The following GPHN variants were observed in gnomAD, a reference collection of about 807,000 sequenced individuals.
The protein encoded by GPHN is gephyrin.
A neutral mutation model predicts 95.5 loss-of-function variants in GPHN; 17 were observed. The observed-to-expected ratio is 0.18, with a 90% CI of 0.12 to 0.27. The LOEUF (loss-of-function observed/expected upper bound fraction) is 0.27. GPHN is among the 10% of genes least tolerant of loss of function. The pLI, the probability that GPHN is intolerant of heterozygous loss-of-function variation, is 1.00. For synonymous variants in GPHN, 320 were observed against 322.5 expected (o/e 0.99, Z 0.08); for missense variants, 660 against 978.1 (o/e 0.67, Z 4.34).
chr14:67,212,224 A>C, the GPHN span, among the ~76,000 whole-genome samples: 4 of 152,154 alleles, frequency 2.6e-5, no homozygotes, highest in Non-Finnish European at 1.5e-5. Flanking sequence ...TGCTCAGTAA[A>C]TGATCATTAT....
the GPHN span, among the ~76,000 whole-genome samples, chr14:67,486,525 G>A: frequency 2.0e-5 from 3 of 152,046 alleles, no homozygotes; most frequent in African/African-American, 7.2e-5. Context: ...CACCCACCTC[G>A]GCCTCCCAAA....
chr14:67,702,566 G>A, the GPHN span, among the ~76,000 whole-genome samples: 1 of 152,126 alleles, frequency 6.6e-6, no homozygotes, highest in African/African-American at 2.4e-5. Context: ...AGGCAAATAT[G>A]TATGTTGACA....
chr14:67,473,311 G>A, the GPHN span: 4 of 1,470,034 alleles, frequency 2.7e-6, no homozygotes, highest in Non-Finnish European at 3.7e-6. This position sits in a 1 kb window ranked among gnomAD's most constrained non-coding sequence, Gnocchi z 6.5. Flanking sequence ...TAGGGCTGAG[G>A]CTTGGCCGGA....
At chr14:66,529,614 G>A (rs2058831935) in intron 1 of GPHN, among the ~76,000 whole-genome samples, 1 of 152,100 alleles carries the variant, frequency 6.6e-6, no homozygotes, top group South Asian at 2.1e-4. Flanking sequence ...ATCTACCTTT[G>A]TTCTTTGATT....
chr14:67,123,569 G>A (rs1226857872), intron 17 of GPHN, among the ~76,000 whole-genome samples: 4 of 152,282 alleles, frequency 2.6e-5, no homozygotes, highest in Admixed American at 6.5e-5. Context: ...CCAGCTACTC[G>A]GGAGGCTGAG....
intron 9 of GPHN, among the ~76,000 whole-genome samples, chr14:67,010,246 TAATA>T (rs2072896099): frequency 6.6e-6 from 1 of 151,300 alleles, no homozygotes; most frequent in Non-Finnish European, 1.5e-5. Context: ...GTTCTACAGA[TAATA>T]TAGAGTAAAT....
chr14:67,305,610 G>A, the GPHN span, among the ~76,000 whole-genome samples: 1 of 152,052 alleles, frequency 6.6e-6, no homozygotes, highest in Non-Finnish European at 1.5e-5. Flanking sequence ...TTTTTTTCCT[G>A]CTATTCATGC....
At chr14:66,941,201 T>A (rs1049167929) in intron 8 of GPHN, among the ~76,000 whole-genome samples, 1 of 152,130 alleles carries the variant, frequency 6.6e-6, no homozygotes, top group Non-Finnish European at 1.5e-5. Context: ...TAGAATGTAA[T>A]GACAAATGTA....
chr14:66,892,005 G>A (rs1021318506), intron 5 of GPHN, among the ~76,000 whole-genome samples: 1 of 152,184 alleles, frequency 6.6e-6, no homozygotes, highest in Admixed American at 6.5e-5. Context: ...TAGAAACATT[G>A]TGTATTGCTG....
At chr14:67,615,464 C>T in the GPHN span, 1 of 304,578 alleles carries the variant, frequency 3.3e-6, no homozygotes, top group Non-Finnish European at 6.6e-6. Flanking sequence ...CTGTGCCTCG[C>T]TGAGGAAAAA....
chr14:66,536,754 C>T (rs1255901800), intron 1 of GPHN, among the ~76,000 whole-genome samples: 1 of 152,126 alleles, frequency 6.6e-6, no homozygotes, highest in Non-Finnish European at 1.5e-5. Flanking sequence ...TGTTAATGTT[C>T]TTTGTCAGTA....
At chr14:66,659,640 C>T (rs942449745) in intron 1 of GPHN, among the ~76,000 whole-genome samples, 7 of 151,904 alleles carry the variant, frequency 4.6e-5, no homozygotes, top group South Asian at 4.2e-4. Flanking sequence ...TTTGTCTTCC[C>T]GATGGATTAA....
At chr14:67,395,490 C>A in the GPHN span, 2 of 1,614,034 alleles carry the variant, frequency 1.2e-6, no homozygotes, top group African/African-American at 1.3e-5. Context: ...TGAATAGCCC[C>A]GGTGATCTCA....
rs115656131 is a variant in GPHN, at chr14:67,111,285, A to G, written c.1414-576A>G. On this transcript the variant is annotated intron_variant, in intron 14 of 22. Transcript: ENST00000478722. ...CAAAGCACTGAATTCCAGAACACAT[A>G]CATCCACAGACTCTGCCAGATGACA... Among the ~76,000 whole-genome samples the G allele has an allele frequency of 7.1e-3, 1,080 of 152,346 alleles. 5 individuals carry two copies. The highest frequency in any genetic ancestry group is 0.025 in the African/African-American group (1,031 of 41,592).
chr14:67,383,809 T>C, the GPHN span: 1 of 280,550 alleles, frequency 3.6e-6, no homozygotes, highest in African/African-American at 2.2e-5. Flanking sequence ...TCCCAATCTT[T>C]CTATATAAAA....
At chr14:67,129,391 G>A (rs2079541666) in intron 17 of GPHN, among the ~76,000 whole-genome samples, 2 of 152,100 alleles carry the variant, frequency 1.3e-5, no homozygotes, top group South Asian at 4.1e-4. Flanking sequence ...TTAAAAAGAA[G>A]CCAAAGTCTT....
At chr14:67,177,341 T>C (rs1184867296) in intron 21 of GPHN, among the ~76,000 whole-genome samples, 2 of 152,226 alleles carry the variant, frequency 1.3e-5, no homozygotes, top group Non-Finnish European at 2.9e-5. Flanking sequence ...ATTTACCCAG[T>C]AGTCATTCAG....
chr14:67,101,971 A>G (rs2077725990), intron 13 of GPHN, among the ~76,000 whole-genome samples: 1 of 151,964 alleles, frequency 6.6e-6, no homozygotes, highest in Non-Finnish European at 1.5e-5. Context: ...TCCCGGGCTC[A>G]CGCCATTCTC....
the GPHN span, among the ~76,000 whole-genome samples, chr14:67,435,675 C>G: frequency 6.6e-6 from 1 of 152,250 alleles, no homozygotes; most frequent in Non-Finnish European, 1.5e-5. Flanking sequence ...GAACGCTTGC[C>G]TCAAGTCATC....
Sources: gnomAD v4.1 joint callset for allele counts (sites outside exome capture counted in the v4.1 genomes callset) on GRCh38, gnomAD v4.1.1 for gene constraint, Gnocchi (gnomAD v3.1) non-coding constraint, MANE v1.5 for transcripts, NCBI Gene and HGNC (gene_info 2026-07-23, HGNC 2026-07-21) for gene names.